OR51B5: variants seen among roughly 807,000 people sequenced by gnomAD.
OR51B5 encodes the protein olfactory receptor family 51 subfamily B member 5.
For missense variants in OR51B5, 456 were observed against 374.6 expected (o/e 1.22, Z -1.79); for synonymous variants, 186 against 144.8 (o/e 1.28, Z -2.04).
rs1846293126 is a variant in OR51B5, at chr11:5,501,720, C to T, written n.84+3849G>A. ...CCTATCACTATATTTTGATTATATG[C>T]ACAGAATTTACCATTGTGTGATATT... On this transcript the variant is annotated intron_variant and non_coding_transcript_variant, in intron 1 of 4. Coordinates refer to the OR51B5 transcript ENST00000415970. Among the ~76,000 whole-genome samples the T allele has an allele frequency of 1.3e-5, 2 of 148,292 alleles. 1 individual carries two copies. The highest frequency in any genetic ancestry group is 3.0e-5 in the Non-Finnish European group (2 of 66,276).
chr11:5,419,126 G>T (rs545667904), intron 1 of OR51B5, among the ~76,000 whole-genome samples: 3 of 152,110 alleles, frequency 2.0e-5, no homozygotes, highest in Admixed American at 1.3e-4. Flanking sequence ...TTGAAATGAT[G>T]TAAGATTTCT....
chr11:5,430,540 T>TGA (rs1850517945), intron 1 of OR51B5: 1 of 363,350 alleles, frequency 2.8e-6, no homozygotes, highest in African/African-American at 2.1e-5. Flanking sequence ...TGCAATACTT[T>TGA]GAATTCCTTG....
chr11:5,432,094 C>A (rs1177402848), intron 1 of OR51B5, among the ~76,000 whole-genome samples: 3 of 152,218 alleles, frequency 2.0e-5, no homozygotes, highest in Non-Finnish European at 4.4e-5. Flanking sequence ...AGTTACCCTA[C>A]TCTGCTATCA....
intron 1 of OR51B5, among the ~76,000 whole-genome samples, chr11:5,414,726 T>A (rs1254171770): frequency 1.3e-5 from 2 of 152,204 alleles, no homozygotes; most frequent in South Asian, 4.1e-4. Flanking sequence ...CAAGAAGAGC[T>A]ATCCTAAATA....
chr11:5,369,003 A>G (rs1031727038), intron 1 of OR51B5, among the ~76,000 whole-genome samples: 1 of 152,174 alleles, frequency 6.6e-6, no homozygotes, highest in African/African-American at 2.4e-5. Context: ...AGATGTGGAC[A>G]AGATAGTTTT....
At chr11:5,381,965 A>T (rs1207644843) in intron 1 of OR51B5, among the ~76,000 whole-genome samples, 2 of 152,258 alleles carry the variant, frequency 1.3e-5, no homozygotes, top group Non-Finnish European at 2.9e-5. Flanking sequence ...TGTCAATTAC[A>T]TATCTGCATC....
intron 1 of OR51B5, among the ~76,000 whole-genome samples, chr11:5,394,070 A>G (rs1849834340): frequency 6.6e-6 from 1 of 152,176 alleles, no homozygotes; most frequent in Non-Finnish European, 1.5e-5. Flanking sequence ...TGTATTAAAT[A>G]CTTTTTAATA....
At chr11:5,418,417 C>A (rs1399622730) in intron 1 of OR51B5, among the ~76,000 whole-genome samples, 2 of 44,868 alleles carry the variant, frequency 4.5e-5, no homozygotes, top group East Asian at 2.9e-4. Flanking sequence ...ATAATAAAAA[C>A]AAAACAAAAC....
intron 1 of OR51B5, among the ~76,000 whole-genome samples, chr11:5,366,200 G>A (rs7113385): frequency 0.16 from 23,793 of 152,034 alleles, 2,185 homozygotes; most frequent in Non-Finnish European, 0.21. Flanking sequence ...TAAGGATGAG[G>A]GAAACAGGAA....
intron 1 of OR51B5, among the ~76,000 whole-genome samples, chr11:5,364,292 C>G (rs1849332846): frequency 6.6e-6 from 1 of 152,162 alleles, no homozygotes; most frequent in Non-Finnish European, 1.5e-5. Flanking sequence ...TCGACCTTGA[C>G]CACCAATCTT....
intron 1 of OR51B5, among the ~76,000 whole-genome samples, chr11:5,447,957 G>T (rs182279164): frequency 6.6e-6 from 1 of 152,198 alleles, no homozygotes; most frequent in East Asian, 1.9e-4. Context: ...GAATTCTTGA[G>T]ACCCCAGAAT....
At chr11:5,390,620 G>A in intron 1 of OR51B5, 1 of 446,752 alleles carries the variant, frequency 2.2e-6, no homozygotes, top group Non-Finnish European at 3.9e-6. Context: ...CTATCCAGAA[G>A]GCAACTTTAT....
chr11:5,403,610 G>A (rs998021469), intron 1 of OR51B5: 1 of 417,106 alleles, frequency 2.4e-6, no homozygotes, highest in African/African-American at 2.1e-5. Flanking sequence ...ATAACAGGTG[G>A]CCCTAGATTG....
intron 1 of OR51B5, among the ~76,000 whole-genome samples, chr11:5,482,096 C>G (rs1590021817): frequency 8.3e-6 from 1 of 119,956 alleles, no homozygotes; most frequent in Admixed American, 8.4e-5. Context: ...CACTACCTGA[C>G]TTCAAACTAT....
chr11:5,412,672 C>G (rs986274063), intron 1 of OR51B5, among the ~76,000 whole-genome samples: 2 of 152,290 alleles, frequency 1.3e-5, no homozygotes, highest in East Asian at 1.9e-4. Flanking sequence ...CCTACGCCGA[C>G]GGAGTCTCGC....
intron 1 of OR51B5, among the ~76,000 whole-genome samples, chr11:5,358,024 C>A (rs1849221402): frequency 1.3e-5 from 2 of 151,514 alleles, no homozygotes; most frequent in African/African-American, 4.9e-5. Context: ...CACTAAACGC[C>A]CAGAAGAGAA....
chr11:5,366,209 A>C (rs555587481), intron 1 of OR51B5, among the ~76,000 whole-genome samples: 6 of 152,270 alleles, frequency 3.9e-5, no homozygotes, highest in Non-Finnish European at 8.8e-5. Context: ...GGGAAACAGG[A>C]AGGAAAATCA....
At chr11:5,348,516 C>T (rs1485903708), upstream of OR51B5, among the ~76,000 whole-genome samples, 1 of 152,126 alleles carries the variant, frequency 6.6e-6, no homozygotes, top group African/African-American at 2.4e-5. Context: ...GACCATATGA[C>T]TAATAAACCA....
intron 1 of OR51B5, chr11:5,402,599 G>GA: frequency 2.1e-6 from 1 of 468,942 alleles, no homozygotes. Context: ...ATGTCAACAT[G>GA]AAAATTTCTA....
Sources: allele counts gnomAD v4.1 joint callset (sites outside exome capture counted in the v4.1 genomes callset), GRCh38; gene constraint gnomAD v4.1.1; transcripts MANE v1.5; gene names NCBI Gene and HGNC (gene_info 2026-07-23, HGNC 2026-07-21).